The following CDH13 variants were observed in gnomAD, a reference collection of about 807,000 sequenced individuals.
CDH13 encodes cadherin-13.
CDH13 carries 24 observed loss-of-function variants against 63.8 expected under a neutral mutation model. The observed-to-expected ratio is 0.38, with a 90% CI of 0.27 to 0.53. The LOEUF is 0.53. Ranked by LOEUF, CDH13 falls within the 20% of genes least tolerant of loss-of-function variation. CDH13 has a pLI of 0.85. For missense variants in CDH13, 1,049 were observed against 903.1 expected (o/e 1.16, Z -2.07); for synonymous variants, 503 against 355.3 (o/e 1.42, Z -4.67).
chr16:82,972,747 G>T (rs1055613736), intron 2 of CDH13, among the ~76,000 whole-genome samples: 1 of 152,110 alleles, frequency 6.6e-6, no homozygotes, highest in African/African-American at 2.4e-5. Context: ...TAACTGAACT[G>T]GTTGTCAAAG....
At chr16:83,184,908 C>T (rs28707785) in intron 4 of CDH13, among the ~76,000 whole-genome samples, 1,679 of 133,988 alleles carry the variant, frequency 0.013, 16 homozygotes, top group African/African-American at 0.034. Context: ...TGTGTGTGTG[C>T]GTGTGTGTGT....
chr16:83,646,020 G>A (rs529719153), intron 8 of CDH13, among the ~76,000 whole-genome samples: 52 of 152,226 alleles, frequency 3.4e-4, no homozygotes, highest in African/African-American at 7.7e-4. Context: ...ATCCAGCCTC[G>A]CCCCGTTGGG....
chr16:82,955,488 T>C (rs1306827076), intron 2 of CDH13, among the ~76,000 whole-genome samples: 1 of 152,232 alleles, frequency 6.6e-6, no homozygotes, highest in Non-Finnish European at 1.5e-5. Flanking sequence ...CCCTACTGGG[T>C]GTAGTGATGC....
chr16:83,084,667 T>A (rs1411891866), intron 3 of CDH13, among the ~76,000 whole-genome samples: 2 of 152,088 alleles, frequency 1.3e-5, no homozygotes, highest in African/African-American at 2.4e-5. Context: ...GGTGGGTGGA[T>A]CACCTGAGGT....
chr16:83,730,265 A>T (rs1910893202), intron 10 of CDH13, among the ~76,000 whole-genome samples: 1 of 152,234 alleles, frequency 6.6e-6, no homozygotes, highest in Non-Finnish European at 1.5e-5. Context: ...GATCTTCACA[A>T]TGCAAATCTG....
chr16:83,198,358 T>C (rs1022219710), intron 4 of CDH13, among the ~76,000 whole-genome samples: 12 of 149,932 alleles, frequency 8.0e-5, no homozygotes, highest in African/African-American at 2.9e-4. Context: ...CACACAATCA[T>C]GACCAGCTCA....
At chr16:82,873,496 G>A (rs184589839) in intron 2 of CDH13, among the ~76,000 whole-genome samples, 1 of 152,118 alleles carries the variant, frequency 6.6e-6, no homozygotes, top group Non-Finnish European at 1.5e-5. Context: ...GTCCTTGATA[G>A]TTTCACAGGA....
chr16:82,907,126 T>C (rs1234951180), intron 2 of CDH13, among the ~76,000 whole-genome samples: 1 of 152,162 alleles, frequency 6.6e-6, no homozygotes, highest in Non-Finnish European at 1.5e-5. Context: ...CCATAAGTTA[T>C]TTTGGAATAT....
In CDH13 at chr16:83,162,613, A is replaced by G. The variant is rs527887582; in HGVS notation, c.483+37112A>G. Reference sequence around the variant, plus strand: ...AGGGGAATCAGGGCAGGAAGTATCTACTGAAGAGGTCCTCAAATTTCAGGT... The same window carrying G: ...AGGGGAATCAGGGCAGGAAGTATCTGCTGAAGAGGTCCTCAAATTTCAGGT... On this transcript the variant is annotated intron_variant, in intron 4 of 13. Coordinates refer to ENST00000567109, the MANE Select transcript of CDH13 (RefSeq NM_001257.5). Among the ~76,000 whole-genome samples the G allele has an allele frequency of 3.3e-5, 5 of 150,936 alleles. No homozygotes were observed. In the East Asian group the frequency reaches 9.7e-4, roughly 29 times the overall value.
Position 83,032,223 on chromosome 16 carries a change from C to G in CDH13, c.366+5C>G. 2 of 1,611,074 alleles carry G rather than the reference C, an allele frequency of 1.2e-6. No individual in the cohort carries two copies. Among genetic ancestry groups the G allele is most frequent in the South Asian group, 1.1e-5 (1 of 90,852 alleles). On this transcript the variant is annotated splice_donor_5th_base_variant and intron_variant, in intron 3 of 13. Transcript: ENST00000567109. ...GACATCCAGGGCTCCTTGCAGGTAACACATCTGTTTGAGATAACTTGGGTT... is the reference window on the plus strand; with the variant it reads ...GACATCCAGGGCTCCTTGCAGGTAAGACATCTGTTTGAGATAACTTGGGTT...
At chr16:82,723,807 A>G (rs538569265) in intron 1 of CDH13, among the ~76,000 whole-genome samples, 2 of 152,314 alleles carry the variant, frequency 1.3e-5, no homozygotes, top group South Asian at 2.1e-4. Context: ...TAAAAAAAAT[A>G]TAAGAAATTG....
intron 1 of CDH13, among the ~76,000 whole-genome samples, chr16:82,654,282 G>A (rs1254747145): frequency 6.6e-6 from 1 of 152,078 alleles, no homozygotes; most frequent in African/African-American, 2.4e-5. Context: ...TGGTGGTCTT[G>A]GTTTCTTATT....
At chr16:82,813,631 C>T (rs1000220046) in intron 1 of CDH13, among the ~76,000 whole-genome samples, 2 of 152,092 alleles carry the variant, frequency 1.3e-5, no homozygotes, top group Non-Finnish European at 2.9e-5. Context: ...GCTATACAGA[C>T]CCCAGATTGC....
chr16:83,514,801 C>T (rs989263117), intron 7 of CDH13, among the ~76,000 whole-genome samples: 14 of 152,244 alleles, frequency 9.2e-5, no homozygotes, highest in South Asian at 2.1e-4. Context: ...GGATAGAGGC[C>T]GGGAACAGAT....
intron 5 of CDH13, among the ~76,000 whole-genome samples, chr16:83,334,209 G>C (rs1369664378): frequency 6.6e-6 from 1 of 151,830 alleles, no homozygotes; most frequent in Non-Finnish European, 1.5e-5. Flanking sequence ...ATTGGGCCTA[G>C]CCAGATGCCA....
intron 4 of CDH13, among the ~76,000 whole-genome samples, chr16:83,191,947 A>T (rs894130269): frequency 6.6e-6 from 1 of 152,102 alleles, no homozygotes; most frequent in African/African-American, 2.4e-5. Flanking sequence ...AATCAAGTTG[A>T]GGCTCAGTAT....
intron 8 of CDH13, among the ~76,000 whole-genome samples, chr16:83,650,739 C>G (rs1442062877): frequency 6.6e-6 from 1 of 152,106 alleles, no homozygotes; most frequent in Non-Finnish European, 1.5e-5. Context: ...GGTCGAAAGA[C>G]TCTAAGTGAG....
chr16:83,043,651 G>T (rs1179844877), intron 3 of CDH13, among the ~76,000 whole-genome samples: 1 of 151,858 alleles, frequency 6.6e-6, no homozygotes, highest in Non-Finnish European at 1.5e-5. Flanking sequence ...TTGAGGCCCG[G>T]AGTTTGAGAC....
intron 6 of CDH13, among the ~76,000 whole-genome samples, chr16:83,429,439 A>G (rs766676704): frequency 6.6e-6 from 1 of 152,120 alleles, no homozygotes; most frequent in Non-Finnish European, 1.5e-5. Context: ...CATGTCCCCT[A>G]TGCCAGGCTC....
Sources: gnomAD v4.1 joint callset for allele counts (sites outside exome capture counted in the v4.1 genomes callset) on GRCh38, gnomAD v4.1.1 for gene constraint, MANE v1.5 for transcripts, NCBI Gene and HGNC (gene_info 2026-07-23, HGNC 2026-07-21) for gene names.